The following IFNLR1 variants were observed in gnomAD, a reference collection of about 807,000 sequenced individuals.
IFNLR1 encodes CRF2-12.
Under a neutral mutation model 52.5 loss-of-function variants are expected in IFNLR1, and 28 were observed. That is an observed-to-expected ratio of 0.53 (90% CI 0.40 to 0.73). IFNLR1 has a LOEUF of 0.73. IFNLR1 is among the 30% of genes least tolerant of loss of function. IFNLR1 has a pLI of 0.00. For synonymous variants in IFNLR1, 276 were observed against 274.9 expected (o/e 1.00, Z -0.04); for missense variants, 623 against 659.1 (o/e 0.95, Z 0.60).
chr1:24,159,544 G>A lies in IFNLR1; in HGVS notation c.600C>T (p.Thr200=). 1.2e-6 allele frequency: 2 copies of A among 1,613,522 alleles called. No homozygotes were observed. Among genetic ancestry groups the A allele is most frequent in the Non-Finnish European group, 1.7e-6 (2 of 1,179,842 alleles). The change falls in exon 5 of 7, where the codon ACC becomes ACT. Residue 200 remains threonine (T), a synonymous_variant. Coordinates refer to ENST00000327535, the MANE Select transcript of IFNLR1 (RefSeq NM_170743.4). ...ASEHHCLSAR[T]IYTFSVPKYS... ...ATTTCGGGACACTGAACGTGTAGAT[G>A]GTTCTGGCACTGAGGCAGTGGTGTT...
chr1:24,168,436 G>C (rs989971059), intron 3 of IFNLR1, among the ~76,000 whole-genome samples: 1 of 148,786 alleles, frequency 6.7e-6, no homozygotes, highest in Non-Finnish European at 1.5e-5. Context: ...GGCCCTGCCC[G>C]AGGTCAGAAA....
rs977691016 is a variant in IFNLR1 at position 24,155,313 on chromosome 1, A to G, written c.*1817T>C. ...TTTACTGACATGGACAAGGGGTCAG[A>G]GGTTGGCCCGGCTGTGCAGAGATCG... On this transcript the variant is annotated 3_prime_UTR_variant, in exon 7 of 7. Coordinates refer to ENST00000327535, the MANE Select transcript of IFNLR1 (RefSeq NM_170743.4). The G allele has an allele frequency of 6.6e-6, 1 of 152,190 alleles. No individual in the cohort carries two copies. The highest frequency in any genetic ancestry group is 1.5e-5 in the Non-Finnish European group (1 of 68,054). 9.4% of individuals were successfully genotyped at this position (152,190 alleles called of 1,614,324 possible).
At position 24,184,664 on chromosome 1, in the gene IFNLR1, C is replaced by T. The variant is rs1287811176; in HGVS notation, c.58+2527G>A. Among the ~76,000 whole-genome samples, 3 of 152,150 alleles carry T rather than the reference C, an allele frequency of 2.0e-5. No individual in the cohort carries two copies. The East Asian group carries it at 5.8e-4, about 29-fold the overall frequency. ...TACTTGATTCAAATGTCACTTCCTCCAGGGAATCTTCCTTGACATATCTAC... is the reference window on the plus strand; with the variant it reads ...TACTTGATTCAAATGTCACTTCCTCTAGGGAATCTTCCTTGACATATCTAC... On this transcript the variant is annotated intron_variant, in intron 1 of 6. Coordinates refer to ENST00000327535, the MANE Select transcript of IFNLR1 (RefSeq NM_170743.4).
rs187644107 is a variant in IFNLR1, at chr1:24,184,372, C to T, written c.58+2819G>A. Among the ~76,000 whole-genome samples, 18 of 152,296 alleles carry T rather than the reference C, an allele frequency of 1.2e-4. No homozygotes were observed. The East Asian group carries it at 1.7e-3, about 15-fold the overall frequency. ...CTGTTAATCTTCATCTTCTGAAATA[C>T]GCATCTGATTACACCACTCCCCAGT... On this transcript the variant is annotated intron_variant, in intron 1 of 6. Coordinates refer to ENST00000327535, the MANE Select transcript of IFNLR1 (RefSeq NM_170743.4).
Position 24,159,726 on chromosome 1 carries a change from GTTTTTTTTTTGTTT to G in IFNLR1, c.511-107_511-94del, listed in dbSNP as rs1407264887. On this transcript the variant is annotated intron_variant, in intron 4 of 6. Coordinates refer to ENST00000327535, the MANE Select transcript of IFNLR1 (RefSeq NM_170743.4). ...GTGGGGTTGGCAGACATGGTAGGGTGTTTTTTTTTTGTTTTTTTTTTTTGTTTTTTTGTAGGGGA... is the reference window on the plus strand; with the variant it reads ...GTGGGGTTGGCAGACATGGTAGGGTGTTTTTTTTTGTTTTTTTGTAGGGGA... 241 of 762,702 alleles carry G rather than the reference GTTTTTTTTTTGTTT, an allele frequency of 3.2e-4. 4 individuals carry two copies. The East Asian group carries it at 4.4e-3, about 14-fold the overall frequency. 47.2% of individuals were successfully genotyped at this position (762,702 alleles called of 1,614,324 possible).
At position 24,166,203 on chromosome 1, in the gene IFNLR1, A is replaced by ATCCATCCATCCATCCT. The variant is rs1553162460; in HGVS notation, c.367+3213_367+3214insAGGATGGATGGATGGA. On this transcript the variant is annotated intron_variant, in intron 3 of 6. Coordinates refer to ENST00000327535, the MANE Select transcript of IFNLR1 (RefSeq NM_170743.4). ...CATCCATCCATCCATCCATCCATCCATCCTTCCTTCCTTCCTTCCCAACCA... is the reference window on the plus strand; with the variant it reads ...CATCCATCCATCCATCCATCCATCCATCCATCCATCCATCCTTCCTTCCTTCCTTCCTTCCCAACCA... 4.0e-3 allele frequency among the ~76,000 whole-genome samples: 238 copies of ATCCATCCATCCATCCT among 59,714 alleles called. 1 individual carries two copies. Among genetic ancestry groups the ATCCATCCATCCATCCT allele is most frequent in the African/African-American group, 0.014 (232 of 16,938 alleles). The allele number at this position is 59,714 out of a possible 152,430, so 39.2% of individuals were successfully genotyped here. A position where few individuals can be genotyped will look rare whatever the true frequency, so the allele number is the denominator to read the frequency against.
chr1:24,160,216 T>C (rs1429581433), intron 4 of IFNLR1, among the ~76,000 whole-genome samples: 5 of 152,196 alleles, frequency 3.3e-5, no homozygotes, highest in African/African-American at 9.7e-5. Flanking sequence ...TCCTAGTCTA[T>C]CAGCAGTGGA....
chr1:24,162,793 TTTC>T, intron 3 of IFNLR1, among the ~76,000 whole-genome samples: 1 of 89,200 alleles, frequency 1.1e-5, no homozygotes, highest in South Asian at 3.9e-4. Flanking sequence ...TTTCTTTTTC[TTTC>T]TTTCTTTTTT....
At chr1:24,159,737 G>GTTTTTTTGTTTTTGT in intron 4 of IFNLR1, 104 bp from the exon 5 acceptor site, 2 of 458,766 alleles carry the variant, frequency 4.4e-6, no homozygotes, top group Admixed American at 5.5e-5. Context: ...TTTTTTTTTT[G>GTTTTTTTGTTTTTGT]TTTTTTTTTT....
intron 3 of IFNLR1, among the ~76,000 whole-genome samples, chr1:24,161,981 A>C (rs1299435650): frequency 6.6e-6 from 1 of 152,132 alleles, no homozygotes; most frequent in Non-Finnish European, 1.5e-5. Context: ...TGCCCTCCAC[A>C]TGTCACTGGC....
Position 24,169,549 on chromosome 1 carries a change from C to T in IFNLR1, c.235G>A (p.Glu79Lys). The T allele has an allele frequency of 1.2e-6, 2 of 1,614,208 alleles. No homozygotes were observed. Among genetic ancestry groups the T allele is most frequent in the Non-Finnish European group, 1.7e-6 (2 of 1,180,038 alleles). ...REVEECAGTK[E>K]LLCSMMCLKK... Reference sequence around the variant, plus strand: ...AGGCACATCATAGAACATAGCAGCTCCTTGGTTCCCGCACACTCTTCCACT... The same window carrying T: ...AGGCACATCATAGAACATAGCAGCTTCTTGGTTCCCGCACACTCTTCCACT... Residue 79 changes from glutamate to lysine, a missense_variant, in exon 3 of 7, where the codon GAG (glutamate) becomes AAG (lysine). Transcript: ENST00000327535.
Position 24,159,726 on chromosome 1 carries a change from G to GTTTTGTTTTTTTGTTT in IFNLR1, c.511-94_511-93insAAACAAAAAAACAAAA, listed in dbSNP as rs1553161946. The GTTTTGTTTTTTTGTTT allele has an allele frequency of 2.0e-5, 15 of 762,686 alleles. 1 individual carries two copies. Among genetic ancestry groups the GTTTTGTTTTTTTGTTT allele is most frequent in the South Asian group, 6.3e-5 (3 of 47,802 alleles). 47.2% of individuals were successfully genotyped at this position (762,686 alleles called of 1,614,324 possible). ...GTGGGGTTGGCAGACATGGTAGGGT[G>GTTTTGTTTTTTTGTTT]TTTTTTTTTTGTTTTTTTTTTTTGT... On this transcript the variant is annotated intron_variant, in intron 4 of 6. Coordinates refer to ENST00000327535, the MANE Select transcript of IFNLR1 (RefSeq NM_170743.4).
chr1:24,185,959 ACAGT>A (rs1263540168), intron 1 of IFNLR1, among the ~76,000 whole-genome samples: 1 of 152,238 alleles, frequency 6.6e-6, no homozygotes, highest in South Asian at 2.1e-4. Flanking sequence ...CTGAGGCTAC[ACAGT>A]CAGTTTGTGT....
chr1:24,156,908 C>A lies in IFNLR1; in HGVS notation c.*222G>T, dbSNP rs1044651233. On this transcript the variant is annotated 3_prime_UTR_variant, in exon 7 of 7. Coordinates refer to ENST00000327535, the MANE Select transcript of IFNLR1 (RefSeq NM_170743.4). Reference sequence around the variant, plus strand: ...CCTCTGACCTCAGCCCACCCTGTGTCCACCCCTCTTATAGCTCAGCCTAAA... The same window carrying A: ...CCTCTGACCTCAGCCCACCCTGTGTACACCCCTCTTATAGCTCAGCCTAAA... 3.4e-6 allele frequency: 2 copies of A among 580,834 alleles called. No homozygotes were observed. Among genetic ancestry groups the A allele is most frequent in the African/African-American group, 1.9e-5 (1 of 53,294 alleles). The allele number at this position is 580,834 out of a possible 1,614,324, so 36.0% of individuals were successfully genotyped here. A position where few individuals can be genotyped will look rare whatever the true frequency, so the allele number is the denominator to read the frequency against.
chr1:24,162,919 T>C lies in IFNLR1; in HGVS notation c.368-1235A>G, dbSNP rs574003547. On this transcript the variant is annotated intron_variant, in intron 3 of 6. Coordinates refer to ENST00000327535, the MANE Select transcript of IFNLR1 (RefSeq NM_170743.4). ...TCCTTCCTTCCTTCCTTCCTTCCTT[T>C]TCTTTCTTTTCTTTCTTTCTCTTTC... Among the ~76,000 whole-genome samples the C allele has an allele frequency of 1.2e-4, 9 of 75,402 alleles. 1 individual carries two copies. The highest frequency in any genetic ancestry group is 2.3e-4 in the Non-Finnish European group (9 of 39,890). 49.5% of individuals were successfully genotyped at this position (75,402 alleles called of 152,430 possible). A position where few individuals can be genotyped will look rare whatever the true frequency, so the allele number is the denominator to read the frequency against.
intron 2 of IFNLR1, 38 bp downstream of exon 2, chr1:24,180,693 C>CCA: frequency 7.1e-7 from 1 of 1,409,328 alleles, no homozygotes; most frequent in Non-Finnish European, 9.8e-7. Flanking sequence ...CCCACCCCCT[C>CCA]AGTCTTCCCA....
At chr1:24,161,422 G>T (rs1454939330) in intron 4 of IFNLR1, 120 bp downstream of exon 4, 1 of 1,109,730 alleles carries the variant, frequency 9.0e-7, no homozygotes, top group Non-Finnish European at 1.3e-6. Context: ...GAAGTCAGGA[G>T]TGTACAGGGA....
intron 1 of IFNLR1, among the ~76,000 whole-genome samples, chr1:24,184,175 C>G (rs772049606): frequency 6.6e-6 from 1 of 152,206 alleles, no homozygotes; most frequent in Non-Finnish European, 1.5e-5. Context: ...GGCCTTTGCA[C>G]ACGCTGTTCC....
intron 2 of IFNLR1, among the ~76,000 whole-genome samples, chr1:24,180,032 T>C (rs4081342): frequency 0.41 from 62,043 of 152,050 alleles, 13,275 homozygotes; most frequent in African/African-American, 0.52. Flanking sequence ...CGCGGTGGCT[T>C]ACGCCTGTAA....
Sources: allele counts gnomAD v4.1 joint callset (sites outside exome capture counted in the v4.1 genomes callset), GRCh38; gene constraint gnomAD v4.1.1; transcripts MANE v1.5; gene names NCBI Gene and HGNC (gene_info 2026-07-23, HGNC 2026-07-21).